Variants in PDCL2 observed in about 807,000 individuals in gnomAD.
The protein encoded by PDCL2 is phosducin-like protein 2.
Under a neutral mutation model 30.3 loss-of-function variants are expected in PDCL2, and 23 were observed. The ratio of observed to expected loss-of-function variants is 0.76; its 90% CI spans 0.55 to 1.08. PDCL2 has a LOEUF of 1.08. PDCL2 is among the 50% of genes least tolerant of loss of function. The pLI, the probability that PDCL2 is intolerant of heterozygous loss-of-function variation, is 0.00. For missense variants in PDCL2, 243 were observed against 282.3 expected (o/e 0.86, Z 1.00); for synonymous variants, 68 against 86.2 (o/e 0.79, Z 1.17).
chr4:55,581,012 G>T, intron 2 of PDCL2, 101 bp from the exon 3 acceptor site: 1 of 784,186 alleles, frequency 1.3e-6, no homozygotes. Context: ...GAGATCAACA[G>T]TATCTTTAAA....
chr4:55,580,416 G>C lies in PDCL2; in HGVS notation c.218+405C>G, dbSNP rs557886939. 1.2e-4 allele frequency among the ~76,000 whole-genome samples: 19 copies of C among 152,232 alleles called. No individual in the cohort carries two copies. The South Asian group carries it at 2.7e-3, about 22-fold the overall frequency. ...CCAACTTATTTTAGTTGTGAAGTAA[G>C]TTGGGAAATTTATGAACCTGTTCCA... On this transcript the variant is annotated intron_variant, in intron 3 of 5. Coordinates refer to ENST00000295645, the MANE Select transcript of PDCL2 (RefSeq NM_152401.3).
chr4:55,566,703 C>T (rs1732278999), intron 4 of PDCL2, among the ~76,000 whole-genome samples: 1 of 152,232 alleles, frequency 6.6e-6, no homozygotes, highest in Middle Eastern at 3.4e-3. Context: ...GCTGGGATTA[C>T]AGGCAATGAG....
chr4:55,580,834 C>T lies in PDCL2; in HGVS notation c.205G>A (p.Val69Ile), dbSNP rs189305583. 301 of 1,606,202 alleles carry T rather than the reference C, an allele frequency of 1.9e-4. 2 individuals carry two copies. The East Asian group carries it at 4.7e-3, about 25-fold the overall frequency. Residue 69 changes from valine (V) to isoleucine (I), a missense_variant, in exon 3 of 6, where the codon GTT becomes ATT. Physicochemically the swap from Val to Ile is conservative, Grantham distance 29. Coordinates refer to ENST00000295645, the MANE Select transcript of PDCL2 (RefSeq NM_152401.3). ...DEFDEEDMQA[V>I]ETYRKKRLQE... Reference sequence around the variant, plus strand: ...GAATCACTGTACCTATATGTTTCAACAGCCTGCATATCTTCTTCATCAAAT... The same window carrying T: ...GAATCACTGTACCTATATGTTTCAATAGCCTGCATATCTTCTTCATCAAAT...
intron 5 of PDCL2, 99 bp downstream of exon 5, chr4:55,562,305 G>C: frequency 2.7e-6 from 2 of 728,352 alleles, no homozygotes; most frequent in Non-Finnish European, 4.1e-6. Flanking sequence ...CTAGAAGCAA[G>C]GAAAAAACCT....
intron 1 of PDCL2, among the ~76,000 whole-genome samples, chr4:55,587,362 T>G (rs573646284): frequency 6.6e-6 from 1 of 152,078 alleles, no homozygotes; most frequent in South Asian, 2.1e-4. Context: ...ACTATCACAT[T>G]GGAAACAACT....
chr4:55,588,360 G>C (rs1159079611), intron 1 of PDCL2, among the ~76,000 whole-genome samples: 1 of 152,184 alleles, frequency 6.6e-6, no homozygotes, highest in Non-Finnish European at 1.5e-5. Flanking sequence ...CAGACTCACT[G>C]AGCCAGACTA....
At chr4:55,579,623 A>T (rs1732657617) in intron 3 of PDCL2, among the ~76,000 whole-genome samples, 1 of 152,128 alleles carries the variant, frequency 6.6e-6, no homozygotes, top group African/African-American at 2.4e-5. Flanking sequence ...TGCCTCAGAA[A>T]GATCTGAGTG....
intron 1 of PDCL2, among the ~76,000 whole-genome samples, chr4:55,591,221 G>A (rs1023813520): frequency 6.6e-6 from 1 of 151,812 alleles, no homozygotes; most frequent in Non-Finnish European, 1.5e-5. Context: ...AAAAATCCCA[G>A]TGGTTTTAAT....
chr4:55,587,216 T>TAAAAAA (rs869107656), intron 1 of PDCL2, among the ~76,000 whole-genome samples: 21 of 62,834 alleles, frequency 3.3e-4, no homozygotes, highest in African/African-American at 1.5e-3. Flanking sequence ...GACAGAATAG[T>TAAAAAA]AAAAAAAAAA....
chr4:55,561,245 C>A (rs1020861014), intron 5 of PDCL2, among the ~76,000 whole-genome samples: 1 of 151,966 alleles, frequency 6.6e-6, no homozygotes, highest in African/African-American at 2.4e-5. Context: ...CTTTGGGGGA[C>A]TGACAGAGTC....
intron 1 of PDCL2, 59 bp downstream of exon 1, chr4:55,592,045 G>T: frequency 6.3e-7 from 1 of 1,595,056 alleles, no homozygotes; most frequent in South Asian, 1.1e-5. Flanking sequence ...CCTTGGCTTC[G>T]GGCCCAGCTG....
intron 4 of PDCL2, among the ~76,000 whole-genome samples, chr4:55,564,113 T>C (rs1321991308): frequency 6.6e-6 from 1 of 152,168 alleles, no homozygotes; most frequent in Non-Finnish European, 1.5e-5. Context: ...GGGTAAAATG[T>C]TTTGATTTCC....
intron 1 of PDCL2, among the ~76,000 whole-genome samples, chr4:55,589,796 T>C (rs1323141675): frequency 6.6e-6 from 1 of 152,154 alleles, no homozygotes; most frequent in East Asian, 1.9e-4. Flanking sequence ...TCAAAGAGGT[T>C]GCTTAAAATT....
chr4:55,563,571 G>A (rs1337746586), intron 4 of PDCL2, among the ~76,000 whole-genome samples: 2 of 152,162 alleles, frequency 1.3e-5, no homozygotes, highest in Non-Finnish European at 2.9e-5. Context: ...CCAAAGGAAG[G>A]TTCACTGAAA....
intron 3 of PDCL2, among the ~76,000 whole-genome samples, chr4:55,579,432 G>A (rs148023127): frequency 0.018 from 2,788 of 152,158 alleles, 53 homozygotes; most frequent in Non-Finnish European, 0.027. Flanking sequence ...CAGGTTCAGC[G>A]ATTCTCCTGC....
intron 5 of PDCL2, among the ~76,000 whole-genome samples, chr4:55,557,347 G>A (rs1243332737): frequency 6.6e-6 from 1 of 152,130 alleles, no homozygotes; most frequent in Non-Finnish European, 1.5e-5. Context: ...ACATGGTTGA[G>A]GGGCCTGCAT....
intron 1 of PDCL2, among the ~76,000 whole-genome samples, chr4:55,584,588 A>G (rs934642132): frequency 2.0e-5 from 3 of 151,900 alleles, no homozygotes; most frequent in African/African-American, 7.3e-5. Flanking sequence ...ATTGTTTTGG[A>G]ATCCTGCAAC....
chr4:55,592,106 G>T lies in PDCL2; in HGVS notation c.4C>A (p.Gln2Lys). 6.2e-7 allele frequency: 1 copy of T among 1,609,206 alleles called. No individual in the cohort carries two copies. Among genetic ancestry groups the T allele is most frequent in the Non-Finnish European group, 8.5e-7 (1 of 1,178,352 alleles). M[Q>K]DPNEDTEWND... Reference sequence around the variant, plus strand: ...GCTCGGCAGGTCCCGACCCTCACCTGCATGATGCGCTGCTCTGCCCCTCAA... The same window carrying T: ...GCTCGGCAGGTCCCGACCCTCACCTTCATGATGCGCTGCTCTGCCCCTCAA... Residue 2 changes from glutamine to lysine, a missense_variant and splice_region_variant, in exon 1 of 6, where the codon CAG (glutamine) becomes AAG (lysine). By Grantham distance (53) the Gln-to-Lys change is moderately conservative. Coordinates refer to ENST00000295645, the MANE Select transcript of PDCL2 (RefSeq NM_152401.3).
intron 4 of PDCL2, among the ~76,000 whole-genome samples, chr4:55,566,520 T>C (rs868839798): frequency 6.7e-5 from 10 of 150,182 alleles, no homozygotes; most frequent in Middle Eastern, 3.3e-3. Flanking sequence ...CCTCCCGGGT[T>C]CAAGCCATTC....
Sources: allele counts gnomAD v4.1 joint callset (sites outside exome capture counted in the v4.1 genomes callset), GRCh38; gene constraint gnomAD v4.1.1; transcripts MANE v1.5; gene names NCBI Gene and HGNC (gene_info 2026-07-23, HGNC 2026-07-21).